Variants in HSD17B3 observed in about 807,000 individuals in gnomAD.
HSD17B3 encodes the protein 17-beta-hydroxysteroid dehydrogenase type 3.
HSD17B3 carries 29 observed loss-of-function variants against 41.1 expected under a neutral mutation model. The observed-to-expected ratio is 0.71, with a 90% CI of 0.53 to 0.96. The LOEUF is 0.96. Among genes scored for constraint, HSD17B3 ranks in the 40% least tolerant of loss-of-function variants. The probability of loss-of-function intolerance (pLI) is 0.00; values close to 1 mark genes in which losing one functional copy is unlikely to be tolerated. For synonymous variants in HSD17B3, 126 were observed against 145.6 expected (o/e 0.87, Z 0.97); for missense variants, 323 against 374.6 (o/e 0.86, Z 1.14).
chr9:96,272,673 C>T (rs1204085009), intron 2 of HSD17B3, among the ~76,000 whole-genome samples: 2 of 151,212 alleles, frequency 1.3e-5, no homozygotes, highest in South Asian at 2.1e-4. Flanking sequence ...AGAAACTAAA[C>T]ATGCAACTTC....
At position 96,287,210 on chromosome 9, in the gene HSD17B3, T is replaced by C. The variant is rs8190516; in HGVS notation, c.201+11206A>G. Among the ~76,000 whole-genome samples the C allele has an allele frequency of 3.6e-3, 552 of 152,268 alleles. 8 individuals are homozygous for C. Among genetic ancestry groups the C allele is most frequent in the African/African-American group, 0.012 (518 of 41,552 alleles). On this transcript the variant is annotated intron_variant, in intron 2 of 10. Coordinates refer to ENST00000375263, the MANE Select transcript of HSD17B3 (RefSeq NM_000197.2). ...TACTCTCCCTCTTACCTGTTGCCAG[T>C]GTTCCCCACTGGCCAACCCAGCTGA...
Position 96,294,939 on chromosome 9 carries a change from T to C in HSD17B3, c.201+3477A>G, listed in dbSNP as rs188156220. Reference sequence around the variant, plus strand: ...ATCTTAAAAATAAACAGAGATGAGATAGAAGGGTCAGTGTCAAAAAATCAT... The same window carrying C: ...ATCTTAAAAATAAACAGAGATGAGACAGAAGGGTCAGTGTCAAAAAATCAT... On this transcript the variant is annotated intron_variant, in intron 2 of 10. Coordinates refer to ENST00000375263, the MANE Select transcript of HSD17B3 (RefSeq NM_000197.2). Among the ~76,000 whole-genome samples the C allele has an allele frequency of 2.7e-5, 4 of 149,870 alleles. No individual in the cohort carries two copies. The Admixed American group carries it at 2.7e-4, about 10-fold the overall frequency.
At chr9:96,283,256 C>T (rs937025043) in intron 2 of HSD17B3, among the ~76,000 whole-genome samples, 20 of 152,020 alleles carry the variant, frequency 1.3e-4, no homozygotes, top group Non-Finnish European at 2.4e-4. Context: ...CCACCTGCCT[C>T]AATCTCCCAA....
Position 96,302,158 on chromosome 9 carries a change from C to T in HSD17B3, c.-54G>A. ...TGGCCGTGGCTCTCTGTGTATGCCT[C>T]CTGGGACCACGCTGCTCTGGAGACC... On this transcript the variant is annotated 5_prime_UTR_variant, in exon 1 of 11. Transcript: ENST00000375263. The T allele has an allele frequency of 6.3e-7, 1 of 1,585,750 alleles. No individual in the cohort carries two copies. The highest frequency in any genetic ancestry group is 8.6e-7 in the Non-Finnish European group (1 of 1,161,140).
rs10545828 is a variant in HSD17B3, at chr9:96,300,607, T to TTGTGTGTGTGTGTG, written c.154+1330_154+1343dup. Among the ~76,000 whole-genome samples the TTGTGTGTGTGTGTG allele has an allele frequency of 5.5e-4, 60 of 109,884 alleles. 1 individual carries two copies. Among genetic ancestry groups the TTGTGTGTGTGTGTG allele is most frequent in the African/African-American group, 1.6e-3 (52 of 33,476 alleles). The allele number at this position is 109,884 out of a possible 152,430, so 72.1% of individuals were successfully genotyped here. A position where few individuals can be genotyped will look rare whatever the true frequency, so the allele number is the denominator to read the frequency against. ...TTAATCATTTTTGTCATTGGATTCT[T>TTGTGTGTGTGTGTG]TGTGTGTGTGTGTGTGTGTGTGTGT... is the stretch of plus-strand genomic sequence containing the variant. On this transcript the variant is annotated intron_variant, in intron 1 of 10. Coordinates refer to ENST00000375263, the MANE Select transcript of HSD17B3 (RefSeq NM_000197.2).
intron 8 of HSD17B3, among the ~76,000 whole-genome samples, chr9:96,245,051 G>A (rs553653815): frequency 6.6e-6 from 1 of 152,254 alleles, no homozygotes; most frequent in East Asian, 1.9e-4. Context: ...CAGTCTGGAA[G>A]GAAGCTACAG....
chr9:96,235,542 C>T lies in HSD17B3; in HGVS notation c.851G>A (p.Trp284Ter). The change falls in exon 11 of 11, where the codon TGG (tryptophan) becomes TAG (stop). Residue 284 changes from tryptophan to a stop codon, truncating the protein, a stop_gained. Transcript: ENST00000375263. LOFTEE classifies it low-confidence loss of function (END_TRUNC). ...LAGFLSLIPAWAFYSGAFQRL... is the reference protein window; with the variant it reads ...LAGFLSLIPA ...TTGGAAGGCACCGCTGTAGAAGGCC[C>T]AGGCCGGGATCAGGCTCAGAAAGCC... 6.2e-7 allele frequency: 1 copy of T among 1,614,090 alleles called. No homozygotes were observed. The highest frequency in any genetic ancestry group is 8.5e-7 in the Non-Finnish European group (1 of 1,180,016).
intron 9 of HSD17B3, among the ~76,000 whole-genome samples, chr9:96,243,968 T>A (rs1285743382): frequency 1.3e-5 from 2 of 152,194 alleles, no homozygotes; most frequent in African/African-American, 4.8e-5. Flanking sequence ...CATAAGCCTG[T>A]GTTCTGTACC....
At chr9:96,295,715 G>A (rs1827334546) in intron 2 of HSD17B3, among the ~76,000 whole-genome samples, 1 of 152,164 alleles carries the variant, frequency 6.6e-6, no homozygotes, top group Non-Finnish European at 1.5e-5. Context: ...CAGATGCCTT[G>A]CACTGCTGTT....
At chr9:96,300,988 T>G (rs1460392666) in intron 1 of HSD17B3, among the ~76,000 whole-genome samples, 4 of 152,348 alleles carry the variant, frequency 2.6e-5, no homozygotes, top group African/African-American at 7.2e-5. Flanking sequence ...GAAAGCACCC[T>G]GGGCTTTTTG....
chr9:96,250,568 G>A, intron 5 of HSD17B3: 1 of 728,014 alleles, frequency 1.4e-6, no homozygotes, highest in South Asian at 6.4e-5. Context: ...GCCTAAGAAA[G>A]GGTCAACAAA....
rs1423088432 is a variant in HSD17B3, at chr9:96,235,407, A to G, written c.*53T>C. The G allele has an allele frequency of 1.6e-6, 2 of 1,261,532 alleles. No individual in the cohort carries two copies. The highest frequency in any genetic ancestry group is 1.5e-5 in the African/African-American group (1 of 68,394). 78.1% of individuals were successfully genotyped at this position (1,261,532 alleles called of 1,614,324 possible). On this transcript the variant is annotated 3_prime_UTR_variant, in exon 11 of 11. Transcript: ENST00000375263. ...CTGGTCTGCTCCTCTGGTCCTCTTCAGCCAGCATGGGACTGGTGAGGAAAA... is the reference window on the plus strand; with the variant it reads ...CTGGTCTGCTCCTCTGGTCCTCTTCGGCCAGCATGGGACTGGTGAGGAAAA...
chr9:96,260,281 A>G (rs1825812776), intron 2 of HSD17B3, among the ~76,000 whole-genome samples: 1 of 152,204 alleles, frequency 6.6e-6, no homozygotes, highest in African/African-American at 2.4e-5. Context: ...TAGATAATTT[A>G]TAAAACATGT....
chr9:96,295,541 G>T (rs1223776062), intron 2 of HSD17B3, among the ~76,000 whole-genome samples: 1 of 151,650 alleles, frequency 6.6e-6, no homozygotes, highest in African/African-American at 2.4e-5. Context: ...CACCATGTTG[G>T]CCAGGCTGGT....
At chr9:96,271,868 A>T (rs140412755) in intron 2 of HSD17B3, among the ~76,000 whole-genome samples, 1 of 152,224 alleles carries the variant, frequency 6.6e-6, no homozygotes, top group African/African-American at 2.4e-5. Flanking sequence ...AAGGAATCCC[A>T]AGACATTTTA....
At chr9:96,282,625 GC>G (rs1238021667) in intron 2 of HSD17B3, among the ~76,000 whole-genome samples, 1 of 152,196 alleles carries the variant, frequency 6.6e-6, no homozygotes, top group Non-Finnish European at 1.5e-5. Flanking sequence ...TGTGTCCTGA[GC>G]TAGGCTCCAC....
intron 2 of HSD17B3, among the ~76,000 whole-genome samples, chr9:96,270,226 G>A (rs1342953794): frequency 6.7e-6 from 1 of 149,742 alleles, no homozygotes; most frequent in Non-Finnish European, 1.5e-5. Context: ...ACTCTTATTT[G>A]ATCTATCCCC....
chr9:96,247,836 C>G (rs1012318472), intron 6 of HSD17B3, among the ~76,000 whole-genome samples: 1 of 152,148 alleles, frequency 6.6e-6, no homozygotes, highest in Non-Finnish European at 1.5e-5. Flanking sequence ...CCTTTGCCCT[C>G]AAATGCATAT....
At chr9:96,279,011 A>C (rs975218702) in intron 2 of HSD17B3, among the ~76,000 whole-genome samples, 3 of 152,230 alleles carry the variant, frequency 2.0e-5, no homozygotes, top group Non-Finnish European at 4.4e-5. Flanking sequence ...GGGTGGATAC[A>C]GTCAACCTTC....
Sources: gnomAD v4.1 joint callset for allele counts (sites outside exome capture counted in the v4.1 genomes callset) on GRCh38, gnomAD v4.1.1 for gene constraint, MANE v1.5 for transcripts, NCBI Gene and HGNC (gene_info 2026-07-23, HGNC 2026-07-21) for gene names.